ANO3: variants seen among roughly 807,000 people sequenced by gnomAD.
ANO3 encodes anoctamin 3, also known as anoctamin-3.
ANO3 carries 99 observed loss-of-function variants against 144.8 expected under a neutral mutation model. That is an observed-to-expected ratio of 0.68 (90% CI 0.58 to 0.81). The LOEUF (loss-of-function observed/expected upper bound fraction) is 0.81. Ranked by LOEUF, ANO3 falls within the 30% of genes least tolerant of loss-of-function variation. The pLI, the probability that ANO3 is intolerant of heterozygous loss-of-function variation, is 0.00. For synonymous variants in ANO3, 414 were observed against 392.6 expected, an observed-to-expected ratio of 1.05 and a Z score of -0.64; for missense variants, 905 against 1,202.2, an observed-to-expected ratio of 0.75 and a Z score of 3.66.
intron 1 of ANO3, chr11:26,208,484 G>C (rs1024029345): frequency 4.0e-5 from 6 of 149,520 alleles, no homozygotes; most frequent in Non-Finnish European, 8.8e-5. Context: ...CTGCACTCCA[G>C]CCTGGGTGAC....
intron 14 of ANO3, among the ~76,000 whole-genome samples, chr11:26,594,950 A>G (rs1177184232): frequency 1.3e-5 from 2 of 152,080 alleles, no homozygotes; most frequent in African/African-American, 2.4e-5. Context: ...GCAGAAGAAT[A>G]TAAGTTGTTT....
At chr11:26,532,373 A>T (rs78517925) in intron 8 of ANO3, among the ~76,000 whole-genome samples, 1 of 152,046 alleles carries the variant, frequency 6.6e-6, no homozygotes, top group Admixed American at 6.6e-5. Flanking sequence ...ACCTTTAAGG[A>T]TCTGTGATAC....
intron 4 of ANO3, among the ~76,000 whole-genome samples, chr11:26,469,119 C>T (rs972048023): frequency 2.0e-5 from 3 of 151,898 alleles, no homozygotes; most frequent in Admixed American, 2.0e-4. Flanking sequence ...AAGGCATTAT[C>T]CTCCCTGCAA....
At chr11:26,567,160 T>C (rs1850621658) in intron 14 of ANO3, 5 of 1,363,288 alleles carry the variant, frequency 3.7e-6, no homozygotes, top group East Asian at 2.7e-5. Flanking sequence ...GAAGAGGCAA[T>C]ATTTAAAGCC....
chr11:26,292,468 C>A (rs1035924787), intron 1 of ANO3, among the ~76,000 whole-genome samples: 2 of 152,072 alleles, frequency 1.3e-5, no homozygotes, highest in Non-Finnish European at 2.9e-5. Context: ...TGAGGAGGTG[C>A]GATCCTTTGG....
rs371195680 is a variant in ANO3, at chr11:26,563,395, C to CTCTGTG, written c.1447+3617_1447+3618insCTGTGT. On this transcript the variant is annotated intron_variant, in intron 14 of 26. Transcript: ENST00000256737. ...ATTAGATAATGGTGTGTTTCTCTCT[C>CTCTGTG]TGTGTGTGTGTGTGTGTGTGTGTGT... 5.8e-4 allele frequency: 315 copies of CTCTGTG among 540,086 alleles called. 1 individual carries two copies. The highest frequency in any genetic ancestry group is 5.5e-3 in the African/African-American group (273 of 49,606). 33.5% of individuals were successfully genotyped at this position (540,086 alleles called of 1,614,324 possible).
Position 26,565,243 on chromosome 11 carries a change from C to G in ANO3, c.1447+5464C>G. The G allele has an allele frequency of 1.3e-6, 2 of 1,511,874 alleles. No homozygotes were observed. The highest frequency in any genetic ancestry group is 1.8e-6 in the Non-Finnish European group (2 of 1,124,674). 93.7% of individuals were successfully genotyped at this position (1,511,874 alleles called of 1,614,324 possible). A position where few individuals can be genotyped will look rare whatever the true frequency, so the allele number is the denominator to read the frequency against. On this transcript the variant is annotated intron_variant, in intron 14 of 26. Transcript: ENST00000256737. ...AAGGTAGGCTGTAGAGTTGTTTTTTCTTGATAAGGGGTAAACCCAGTGAAG... is the reference window on the plus strand; with the variant it reads ...AAGGTAGGCTGTAGAGTTGTTTTTTGTTGATAAGGGGTAAACCCAGTGAAG...
intron 1 of ANO3, among the ~76,000 whole-genome samples, chr11:26,209,058 C>T (rs778654151): frequency 1.3e-5 from 2 of 152,166 alleles, no homozygotes; most frequent in Non-Finnish European, 2.9e-5. Context: ...AGGTTTGTTA[C>T]ATAGGTATAC....
chr11:26,210,956 A>G (rs11029391), intron 1 of ANO3, among the ~76,000 whole-genome samples: 2,318 of 152,222 alleles, frequency 0.015, 52 homozygotes, highest in East Asian at 0.13. Flanking sequence ...AACAAGACAG[A>G]AAATTAACAA....
chr11:26,319,627 A>AT (rs2097905647), intron 1 of ANO3, among the ~76,000 whole-genome samples: 1 of 152,188 alleles, frequency 6.6e-6, no homozygotes, highest in Admixed American at 6.5e-5. Flanking sequence ...TGCCAAATCA[A>AT]TGTATGATAA....
intron 1 of ANO3, among the ~76,000 whole-genome samples, chr11:26,344,556 G>A (rs968940390): frequency 3.3e-5 from 5 of 151,792 alleles, no homozygotes; most frequent in South Asian, 2.1e-4. Flanking sequence ...TAGTAGAGAC[G>A]GGGTTTCATC....
intron 1 of ANO3, among the ~76,000 whole-genome samples, chr11:26,277,697 A>G (rs1318641643): frequency 6.6e-6 from 1 of 151,426 alleles, no homozygotes; most frequent in Non-Finnish European, 1.5e-5. Context: ...TCTTTAGGAG[A>G]CTTGTCCAAA....
chr11:26,295,515 C>CAAAAAAAAAAAAAAAA (rs71047842), intron 1 of ANO3, among the ~76,000 whole-genome samples: 1 of 66,116 alleles, frequency 1.5e-5, no homozygotes, highest in Non-Finnish European at 3.5e-5. Flanking sequence ...GACTCTGTCT[C>CAAAAAAAAAAAAAAAA]AAAAAAAAAA....
At chr11:26,236,392 C>A (rs1179710034) in intron 1 of ANO3, among the ~76,000 whole-genome samples, 1 of 151,590 alleles carries the variant, frequency 6.6e-6, no homozygotes, top group African/African-American at 2.4e-5. Flanking sequence ...TTCAAGCAAT[C>A]TCTTAAAAGT....
intron 1 of ANO3, among the ~76,000 whole-genome samples, chr11:26,366,554 C>T (rs914399152): frequency 6.6e-6 from 1 of 152,126 alleles, no homozygotes; most frequent in Non-Finnish European, 1.5e-5. Context: ...GGAATCGCCA[C>T]AGTCTTCCAC....
chr11:26,550,779 A>G (rs1849912713), intron 12 of ANO3, among the ~76,000 whole-genome samples: 1 of 151,972 alleles, frequency 6.6e-6, no homozygotes. Flanking sequence ...TCTTTTGGAT[A>G]TGTATCCAGA....
intron 1 of ANO3, among the ~76,000 whole-genome samples, chr11:26,428,066 G>T (rs1857971105): frequency 6.6e-6 from 1 of 152,006 alleles, no homozygotes; most frequent in South Asian, 2.1e-4. Context: ...TCATAGATGT[G>T]GATCATAGAT....
intron 1 of ANO3, among the ~76,000 whole-genome samples, chr11:26,248,648 T>C (rs1467896847): frequency 6.6e-6 from 1 of 152,252 alleles, no homozygotes; most frequent in East Asian, 1.9e-4. Context: ...AGATGTTTAT[T>C]CAGACACAAT....
At chr11:26,218,084 G>T (rs1272477357) in intron 1 of ANO3, among the ~76,000 whole-genome samples, 1 of 152,050 alleles carries the variant, frequency 6.6e-6, no homozygotes, top group African/African-American at 2.4e-5. Context: ...GTATTTCTTT[G>T]TTTATTCATT....
Sources: gnomAD v4.1 joint callset for allele counts (sites outside exome capture counted in the v4.1 genomes callset) on GRCh38, gnomAD v4.1.1 for gene constraint, MANE v1.5 for transcripts, NCBI Gene and HGNC (gene_info 2026-07-23, HGNC 2026-07-21) for gene names.